VCAN: variants seen among roughly 807,000 people sequenced by gnomAD.
VCAN encodes versican core protein.
VCAN carries 44 observed loss-of-function variants against 245.5 expected under a neutral mutation model. The observed-to-expected ratio is 0.18, with a 90% CI of 0.14 to 0.23. The LOEUF (loss-of-function observed/expected upper bound fraction) is 0.23, where lower values mean the gene tolerates loss of function less well. Ranked by LOEUF, VCAN falls within the 10% of genes least tolerant of loss-of-function variation. The probability of loss-of-function intolerance (pLI) is 1.00; values close to 1 mark genes in which losing one functional copy is unlikely to be tolerated. For missense variants in VCAN, 3,793 were observed against 4,057.9 expected (o/e 0.93, Z 1.77); for synonymous variants, 1,413 against 1,437.0 (o/e 0.98, Z 0.38).
At position 83,519,383 on chromosome 5, in the gene VCAN, C is replaced by T. The variant is rs746239661; in HGVS notation, c.1077C>T (p.Leu359=). The change falls in exon 7 of 15, where the codon CTC becomes CTT. Residue 359 remains leucine (L), a synonymous_variant. Coordinates refer to ENST00000265077, the MANE Select transcript of VCAN (RefSeq NM_004385.5). The part of the protein sequence containing the change: ...KEATTIDLSI[L]AETASPSLSK... ...CTACAACCATCGATTTGAGTATCCT[C>T]GCAGAAACTGCATCACCCAGTTTAT... 18 of 1,613,908 alleles carry T rather than the reference C, an allele frequency of 1.1e-5. No individual in the cohort carries two copies. Among genetic ancestry groups the T allele is most frequent in the Admixed American group, 8.3e-5 (5 of 59,996 alleles).
At chr5:83,549,357 G>A (rs967037792) in intron 10 of VCAN, among the ~76,000 whole-genome samples, 1 of 152,164 alleles carries the variant, frequency 6.6e-6, no homozygotes, top group African/African-American at 2.4e-5. Flanking sequence ...ACTATCAAAT[G>A]CATCCTGGCA....
Position 83,519,361 on chromosome 5 carries a change from C to T in VCAN, c.1055C>T (p.Thr352Ile). The T allele has an allele frequency of 6.2e-7, 1 of 1,613,958 alleles. No individual in the cohort carries two copies. Among genetic ancestry groups the T allele is most frequent in the Non-Finnish European group, 8.5e-7 (1 of 1,179,860 alleles). Residue 352 changes from threonine (T) to isoleucine (I), a missense_variant, in exon 7 of 15, where the codon ACA (threonine) becomes ATA (isoleucine). By Grantham distance (89) the Thr-to-Ile change is moderately conservative. Around this residue, in one of 5 missense-constraint regions of VCAN, gnomAD observed 190 missense variants for 288.6 expected, o/e 0.66. Coordinates refer to ENST00000265077, the MANE Select transcript of VCAN (RefSeq NM_004385.5). ...ATTATTTTTCTAGCTAAAGAGGCTA[C>T]AACCATCGATTTGAGTATCCTCGCA... The part of the protein sequence containing the change: ...DAYCFKPKEA[T>I]TIDLSILAET...
intron 8 of VCAN, among the ~76,000 whole-genome samples, chr5:83,543,240 T>A (rs1466574745): frequency 1.3e-5 from 2 of 152,236 alleles, no homozygotes; most frequent in Admixed American, 1.3e-4. Context: ...TGTTAAGAAA[T>A]CAGCTCTAAT....
At position 83,538,842 on chromosome 5, in the gene VCAN, C is replaced by G. The variant is rs1377829531; in HGVS notation, c.5839C>G (p.Pro1947Ala). 10 of 1,613,892 alleles carry G rather than the reference C, an allele frequency of 6.2e-6. No homozygotes were observed. Among genetic ancestry groups the G allele is most frequent in the Non-Finnish European group, 7.6e-6 (9 of 1,179,966 alleles). ...TAGAGAATACTCAACAGTGTCTCAT[C>G]CCATAGCAAAAGAAGAAACGGTAAT... ...DFREYSTVSH[P>A]IAKEETVMME... Residue 1947 changes from proline (P) to alanine (A), a missense_variant, in exon 8 of 15, where the codon CCC (proline) becomes GCC (alanine). Transcript: ENST00000265077.
At chr5:83,508,890 G>A (rs943551077) in intron 5 of VCAN, among the ~76,000 whole-genome samples, 2 of 152,142 alleles carry the variant, frequency 1.3e-5, no homozygotes, top group African/African-American at 2.4e-5. Flanking sequence ...TGGTGCCTGC[G>A]TGTAGTCCCA....
At chr5:83,543,165 A>G (rs1002618008) in intron 8 of VCAN, among the ~76,000 whole-genome samples, 4 of 152,230 alleles carry the variant, frequency 2.6e-5, no homozygotes, top group Non-Finnish European at 5.9e-5. Context: ...TGAATAATAT[A>G]TGAACCAGGA....
chr5:83,565,970 C>CT lies in VCAN; in HGVS notation c.9736-6436dup, dbSNP rs1249213242. On this transcript the variant is annotated intron_variant, in intron 12 of 14. Transcript: ENST00000265077. The stretch of plus-strand genomic sequence containing the variant: ...TTTCTGAAAAACTGCTTTTTTTTTT[C>CT]TTTTTTTTTTGAGACGGTGTCTCAC... 6.0e-4 allele frequency among the ~76,000 whole-genome samples: 84 copies of CT among 140,716 alleles called. 1 individual carries two copies. The highest frequency in any genetic ancestry group is 3.6e-3 in the Middle Eastern group (1 of 276). 92.3% of individuals were successfully genotyped at this position (140,716 alleles called of 152,430 possible). A position where few individuals can be genotyped will look rare whatever the true frequency, so the allele number is the denominator to read the frequency against.
rs535165884 is a variant in VCAN at position 83,521,530 on chromosome 5, T to C, written c.3224T>C (p.Val1075Ala). Residue 1075 changes from valine (V) to alanine (A), a missense_variant, in exon 7 of 15, where the codon GTC becomes GCC. Val to Ala is a moderately conservative substitution (Grantham distance 64). This residue lies in a region of VCAN where 3,182 missense variants were observed against 3,250.3 expected (regional missense o/e 0.98). Transcript: ENST00000265077. ...EQEGDGSAYTVSEDELLTGSE... is the reference protein window; with the variant it reads ...EQEGDGSAYTASEDELLTGSE... Reference sequence around the variant, plus strand: ...GAGGGCGATGGATCAGCATATACAGTCTCTGAAGATGAATTGTTGACAGGT... The same window carrying C: ...GAGGGCGATGGATCAGCATATACAGCCTCTGAAGATGAATTGTTGACAGGT... 6 of 1,613,986 alleles carry C rather than the reference T, an allele frequency of 3.7e-6. No individual in the cohort carries two copies. The Admixed American group carries it at 6.7e-5, about 18-fold the overall frequency.
intron 5 of VCAN, among the ~76,000 whole-genome samples, chr5:83,509,826 T>TAAA (rs1745597813): frequency 6.6e-6 from 1 of 152,220 alleles, no homozygotes; most frequent in South Asian, 2.1e-4. Context: ...TTCTCCATGT[T>TAAA]GCTTTGAGCC....
chr5:83,495,913 C>G (rs999763489), intron 5 of VCAN, among the ~76,000 whole-genome samples: 2 of 152,092 alleles, frequency 1.3e-5, no homozygotes, highest in Non-Finnish European at 2.9e-5. Context: ...CTAGAGACCC[C>G]CCGTGTGTTT....
At position 83,539,670 on chromosome 5, in the gene VCAN, A is replaced by G. The variant is rs192622545; in HGVS notation, c.6667A>G (p.Thr2223Ala). 1.9e-6 allele frequency: 3 copies of G among 1,613,896 alleles called. No homozygotes were observed. The highest frequency in any genetic ancestry group is 2.2e-5 in the East Asian group (1 of 44,868). Residue 2223 changes from threonine (T) to alanine (A), a missense_variant, in exon 8 of 15, where the codon ACA (threonine) becomes GCA (alanine). Thr to Ala is a moderately conservative substitution (Grantham distance 58). Transcript: ENST00000265077. ...TESIPAEHVV[T>A]DSPIKKEEST... ...ATCTATACCAGCTGAACATGTAGTC[A>G]CAGATTCACCAATCAAAAAGGAAGA...
intron 12 of VCAN, among the ~76,000 whole-genome samples, chr5:83,556,217 G>T (rs1160874327): frequency 6.6e-6 from 1 of 152,128 alleles, no homozygotes; most frequent in Non-Finnish European, 1.5e-5. Context: ...TGTTTTACAG[G>T]TAAAGAAAGG....
At chr5:83,568,315 T>A (rs903153088) in intron 12 of VCAN, among the ~76,000 whole-genome samples, 5 of 152,144 alleles carry the variant, frequency 3.3e-5, no homozygotes, top group African/African-American at 1.2e-4. Flanking sequence ...TGATCAGATA[T>A]GAGGTAATAG....
At chr5:83,547,009 A>G (rs531961795) in intron 9 of VCAN, among the ~76,000 whole-genome samples, 1 of 152,302 alleles carries the variant, frequency 6.6e-6, no homozygotes, top group Non-Finnish European at 1.5e-5. Context: ...AGTTGGGAAG[A>G]TTTGACAGGT....
Position 83,580,542 on chromosome 5 carries a change from A to C in VCAN, c.*108A>C. 6.5e-7 allele frequency: 1 copy of C among 1,533,260 alleles called. No individual in the cohort carries two copies. 95.0% of individuals were successfully genotyped at this position (1,533,260 alleles called of 1,614,324 possible). A position where few individuals can be genotyped will look rare whatever the true frequency, so the allele number is the denominator to read the frequency against. On this transcript the variant is annotated 3_prime_UTR_variant, in exon 15 of 15. Transcript: ENST00000265077. The stretch of plus-strand genomic sequence containing the variant: ...ATTATCAGTTGGTTTGGATTTTTGG[A>C]CCACCGTTCAGTCATTTTGGGTTGC...
Position 83,520,873 on chromosome 5 carries a change from T to G in VCAN, c.2567T>G (p.Leu856Arg). 2 of 1,614,178 alleles carry G rather than the reference T, an allele frequency of 1.2e-6. No individual in the cohort carries two copies. Among genetic ancestry groups the G allele is most frequent in the Non-Finnish European group, 1.7e-6 (2 of 1,180,008 alleles). The stretch of plus-strand genomic sequence containing the variant: ...GAAGATGGAGCAGATGAATTTACTC[T>G]TATTCCAGATAGTACTCAAAAGCAG... ...FTEDGADEFTLIPDSTQKQLE... is the reference protein window; with the variant it reads ...FTEDGADEFTRIPDSTQKQLE... The change falls in exon 7 of 15, where the codon CTT becomes CGT. Residue 856 changes from leucine (L) to arginine (R), a missense_variant. Coordinates refer to ENST00000265077, the MANE Select transcript of VCAN (RefSeq NM_004385.5).
In VCAN at chr5:83,500,123, T is replaced by A. The variant is rs541236701; in HGVS notation, c.748+6192T>A. ...AGAATACTTCACTGATGAAGGTTAT[T>A]TAAGAATTAGTGATTTGCGTCCTTA... On this transcript the variant is annotated intron_variant, in intron 5 of 14. Coordinates refer to ENST00000265077, the MANE Select transcript of VCAN (RefSeq NM_004385.5). Among the ~76,000 whole-genome samples the A allele has an allele frequency of 2.6e-5, 4 of 152,308 alleles. No individual in the cohort carries two copies. In the South Asian group the frequency reaches 6.2e-4, roughly 24 times the overall value.
In VCAN at chr5:83,516,177, G is replaced by A. The variant is rs1321599037; in HGVS notation, c.1043-3172G>A. ...CTATCCCTAGCCTGTAGTCCCAGTC[G>A]GGAGGCTGAGGCAGGAGAATGGCGT... On this transcript the variant is annotated intron_variant, in intron 6 of 14. Transcript: ENST00000265077. 5.9e-5 allele frequency among the ~76,000 whole-genome samples: 9 copies of A among 152,064 alleles called. No individual in the cohort carries two copies. In the South Asian group the frequency reaches 1.7e-3, roughly 28 times the overall value.
intron 12 of VCAN, among the ~76,000 whole-genome samples, chr5:83,555,437 A>C (rs1292789180): frequency 6.6e-6 from 1 of 152,232 alleles, no homozygotes; most frequent in East Asian, 1.9e-4. Context: ...GAAATCCGCT[A>C]TAAGGCATGA....
Sources: allele counts gnomAD v4.1 joint callset (sites outside exome capture counted in the v4.1 genomes callset), GRCh38; gene constraint gnomAD v4.1.1; regional missense constraint gnomAD v4.1.1; transcripts MANE v1.5; gene names NCBI Gene and HGNC (gene_info 2026-07-23, HGNC 2026-07-21).